Variants in APOLD1 observed in about 807,000 individuals in gnomAD.
APOLD1 encodes the protein apolipoprotein L domain containing 1.
A neutral mutation model predicts 15.3 loss-of-function variants in APOLD1; 22 were observed. The ratio of observed to expected loss-of-function variants is 1.44; its 90% CI spans 1.03 to 2.05. APOLD1 has a LOEUF of 2.05. APOLD1 is among the 30% of genes most tolerant of loss of function. APOLD1 has a pLI of 0.00. For synonymous variants in APOLD1, 190 were observed against 167.4 expected, an observed-to-expected ratio of 1.13 and a Z score of -1.04; for missense variants, 394 against 353.5, an observed-to-expected ratio of 1.11 and a Z score of -0.92.
chr12:12,786,858 C>A, intron 1 of APOLD1, 51 bp from the exon 2 acceptor site: 2 of 1,357,130 alleles, frequency 1.5e-6, no homozygotes, highest in Non-Finnish European at 1.9e-6. Flanking sequence ...AGGGCGGGAG[C>A]GGCGGCTGGC....
At chr12:12,763,294 T>C (rs1377345275) in intron 1 of APOLD1, among the ~76,000 whole-genome samples, 1 of 152,084 alleles carries the variant, frequency 6.6e-6, no homozygotes, top group Admixed American at 6.6e-5. Context: ...AACTACCCTC[T>C]TAACAATTCC....
chr12:12,738,302 G>C (rs940093970), intron 1 of APOLD1, among the ~76,000 whole-genome samples: 3 of 148,498 alleles, frequency 2.0e-5, no homozygotes, highest in African/African-American at 7.5e-5. Flanking sequence ...TCGACCTCTT[G>C]GGCTCAGGCA....
intron 1 of APOLD1, among the ~76,000 whole-genome samples, chr12:12,762,830 G>A (rs1946911609): frequency 6.6e-6 from 1 of 152,120 alleles, no homozygotes; most frequent in African/African-American, 2.4e-5. Context: ...CTAGCATGAT[G>A]TTTTGAGGGT....
chr12:12,756,428 C>T (rs1946858270), intron 1 of APOLD1, among the ~76,000 whole-genome samples: 1 of 152,150 alleles, frequency 6.6e-6, no homozygotes, highest in African/African-American at 2.4e-5. Flanking sequence ...TTTGGTTAAT[C>T]TTTTCAAGAA....
At chr12:12,732,542 T>C (rs1405278047) in intron 1 of APOLD1, among the ~76,000 whole-genome samples, 1 of 151,918 alleles carries the variant, frequency 6.6e-6, no homozygotes, top group African/African-American at 2.4e-5. Flanking sequence ...CTGGCCAACA[T>C]GGCGAAACCC....
Position 12,789,212 on chromosome 12 carries a change from G to A in APOLD1, c.*1560G>A, listed in dbSNP as rs990198106. ...AGTTTCTAAATGGGAGACTGCTGAG[G>A]CTCTTTGCAAGAGATGAGATTAAGT... On this transcript the variant is annotated 3_prime_UTR_variant, in exon 2 of 2. Transcript: ENST00000356591. 1.3e-5 allele frequency: 2 copies of A among 152,204 alleles called. No individual in the cohort carries two copies. Among genetic ancestry groups the A allele is most frequent in the African/African-American group, 4.8e-5 (2 of 41,446 alleles). The allele number at this position is 152,204 out of a possible 1,614,324, so 9.4% of individuals were successfully genotyped here.
chr12:12,774,373 C>T lies in APOLD1; in HGVS notation c.97-12536C>T, dbSNP rs537348520. On this transcript the variant is annotated intron_variant, in intron 1 of 1. Transcript: ENST00000326765. ...CAGCCTGGCCAACATGGTGAAACCC[C>T]GTCTCTACCAAAAACTACAAAAATT... 4.6e-5 allele frequency among the ~76,000 whole-genome samples: 7 copies of T among 151,234 alleles called. No individual in the cohort carries two copies. The South Asian group carries it at 8.4e-4, about 18-fold the overall frequency.
intron 1 of APOLD1, among the ~76,000 whole-genome samples, chr12:12,786,066 C>T (rs116252344): frequency 9.9e-5 from 15 of 152,268 alleles, no homozygotes; most frequent in African/African-American, 2.9e-4. Flanking sequence ...ACAACTTGTT[C>T]GTATCTTTGT....
chr12:12,774,927 G>A (rs2136394277), intron 1 of APOLD1, among the ~76,000 whole-genome samples: 1 of 152,306 alleles, frequency 6.6e-6, no homozygotes, highest in South Asian at 2.1e-4. Flanking sequence ...CTCGTCATAA[G>A]ATCCAGCAGT....
intron 1 of APOLD1, among the ~76,000 whole-genome samples, chr12:12,775,790 A>T (rs1016514891): frequency 3.3e-5 from 5 of 152,180 alleles, no homozygotes; most frequent in Non-Finnish European, 5.9e-5. Context: ...GCTTGAGACC[A>T]GGAGTTCATG....
At chr12:12,767,266 G>C (rs1355484468) in intron 1 of APOLD1, among the ~76,000 whole-genome samples, 1 of 151,858 alleles carries the variant, frequency 6.6e-6, no homozygotes, top group Non-Finnish European at 1.5e-5. Flanking sequence ...ATAAGAGTTG[G>C]CCCTCTGTAT....
At chr12:12,778,173 G>T (rs544057542) in intron 1 of APOLD1, among the ~76,000 whole-genome samples, 3 of 151,690 alleles carry the variant, frequency 2.0e-5, no homozygotes, top group African/African-American at 4.9e-5. Flanking sequence ...CAAGCAGTCC[G>T]CCAGCCTTGG....
upstream of APOLD1, among the ~76,000 whole-genome samples, chr12:12,783,250 C>T (rs750265559): frequency 1.1e-4 from 16 of 152,074 alleles, no homozygotes; most frequent in Admixed American, 2.6e-4. Context: ...TGAATTGAAT[C>T]GCTAAGTTCA....
intron 1 of APOLD1, among the ~76,000 whole-genome samples, chr12:12,766,754 C>T (rs1010644745): frequency 6.6e-6 from 1 of 152,138 alleles, no homozygotes; most frequent in African/African-American, 2.4e-5. Context: ...GAGGCTGAGG[C>T]AGGAGAATCG....
chr12:12,737,409 T>C (rs1056875946), intron 1 of APOLD1, among the ~76,000 whole-genome samples: 2 of 152,210 alleles, frequency 1.3e-5, no homozygotes, highest in African/African-American at 4.8e-5. Flanking sequence ...TCAAGTTCTT[T>C]TGGAGTTCAT....
At position 12,740,374 on chromosome 12, in the gene APOLD1, C is replaced by G. The variant is rs560606349; in HGVS notation, c.96+14278C>G. 2.6e-5 allele frequency among the ~76,000 whole-genome samples: 4 copies of G among 152,336 alleles called. No homozygotes were observed. The East Asian group carries it at 7.7e-4, about 29-fold the overall frequency. ...TCAGGTGATCTGCTGGCCTTGGCCT[C>G]CCAAGGTGCTGGGATTACAGGCATG... On this transcript the variant is annotated intron_variant, in intron 1 of 1. Transcript: ENST00000326765.
At chr12:12,771,786 A>G (rs1265264730) in intron 1 of APOLD1, 1 of 219,580 alleles carries the variant, frequency 4.6e-6, no homozygotes, top group Non-Finnish European at 9.2e-6. Context: ...AGCTATGTAT[A>G]TTTATGTATA....
At chr12:12,726,094 A>G in exon 1 of APOLD1, 1 of 1,499,708 alleles carries the variant, frequency 6.7e-7, no homozygotes, top group Non-Finnish European at 9.0e-7. Context: ...CTGCCTTGGA[A>G]AGGTAGAACT....
intron 1 of APOLD1, among the ~76,000 whole-genome samples, chr12:12,742,121 C>T: frequency 6.6e-6 from 1 of 152,156 alleles, no homozygotes; most frequent in East Asian, 1.9e-4. Context: ...AGAGCCCCAG[C>T]TATGTCCGGA....
Sources: gnomAD v4.1 joint callset for allele counts (sites outside exome capture counted in the v4.1 genomes callset) on GRCh38, gnomAD v4.1.1 for gene constraint, MANE v1.5 for transcripts, NCBI Gene and HGNC (gene_info 2026-07-23, HGNC 2026-07-21) for gene names.